Variants in UBE2E2 observed in about 807,000 individuals in gnomAD.
UBE2E2 encodes ubiquitin conjugating enzyme E2 E2, also known as ubiquitin-conjugating enzyme E2 E2.
UBE2E2 carries 6 observed loss-of-function variants against 24.7 expected under a neutral mutation model. That is an observed-to-expected ratio of 0.24 (90% confidence interval 0.13 to 0.48). The LOEUF (loss-of-function observed/expected upper bound fraction) is 0.48, where lower values mean the gene tolerates loss of function less well. UBE2E2 is among the 20% of genes least tolerant of loss of function. The pLI, the probability that UBE2E2 is intolerant of heterozygous loss-of-function variation, is 0.99. For synonymous variants in UBE2E2, 104 were observed against 83.6 expected, an observed-to-expected ratio of 1.24 and a Z score of -1.33; for missense variants, 169 against 245.0, an observed-to-expected ratio of 0.69 and a Z score of 2.07.
At chr3:23,213,825 A>T (rs1284099357) in intron 2 of UBE2E2, among the ~76,000 whole-genome samples, 1 of 152,130 alleles carries the variant, frequency 6.6e-6, no homozygotes, top group African/African-American at 2.4e-5. Context: ...GATTTACCTA[A>T]TCACTTTTAA....
At chr3:23,356,165 C>T (rs1695944143) in intron 3 of UBE2E2, among the ~76,000 whole-genome samples, 1 of 152,170 alleles carries the variant, frequency 6.6e-6, no homozygotes, top group African/African-American at 2.4e-5. Context: ...CTGGACCTTA[C>T]TCAGGGTCAG....
intron 3 of UBE2E2, among the ~76,000 whole-genome samples, chr3:23,488,254 T>C (rs1387964931): frequency 6.6e-6 from 1 of 151,706 alleles, no homozygotes; most frequent in Admixed American, 6.6e-5. Context: ...GTGCAGAACG[T>C]GCAGTTTTTT....
chr3:23,380,419 T>C (rs1696639949), intron 3 of UBE2E2, among the ~76,000 whole-genome samples: 1 of 152,016 alleles, frequency 6.6e-6, no homozygotes, highest in South Asian at 2.1e-4. Context: ...AGAGACTAGG[T>C]TTTGCTATGT....
intron 3 of UBE2E2, among the ~76,000 whole-genome samples, chr3:23,247,870 A>G (rs1697456040): frequency 6.6e-6 from 1 of 152,110 alleles, no homozygotes; most frequent in Non-Finnish European, 1.5e-5. Context: ...TCATTTGCAA[A>G]TTCATTTGTG....
At chr3:23,506,550 G>T (rs188542067) in intron 4 of UBE2E2, among the ~76,000 whole-genome samples, 6 of 152,190 alleles carry the variant, frequency 3.9e-5, no homozygotes, top group Admixed American at 2.0e-4. Context: ...ACTCTTTGGC[G>T]CAAACCACCG....
At chr3:23,511,045 T>C (rs186789395) in intron 4 of UBE2E2, among the ~76,000 whole-genome samples, 106 of 152,316 alleles carry the variant, frequency 7.0e-4, no homozygotes, top group South Asian at 1.7e-3. Context: ...ATACTGAACA[T>C]AGAGAAGTGA....
chr3:23,209,554 G>T (rs1405552504), intron 2 of UBE2E2, among the ~76,000 whole-genome samples: 1 of 152,140 alleles, frequency 6.6e-6, no homozygotes, highest in African/African-American at 2.4e-5. Flanking sequence ...TGTCTTTCCT[G>T]ATCCTGTGAT....
At chr3:23,421,691 C>G (rs1234768930) in intron 3 of UBE2E2, among the ~76,000 whole-genome samples, 2 of 152,230 alleles carry the variant, frequency 1.3e-5, no homozygotes, top group Non-Finnish European at 2.9e-5. Flanking sequence ...CAGACGTGAG[C>G]CACCATACCT....
At chr3:23,562,403 A>T (rs550793486) in intron 5 of UBE2E2, among the ~76,000 whole-genome samples, 133 of 152,366 alleles carry the variant, frequency 8.7e-4, no homozygotes, top group African/African-American at 2.9e-3. Context: ...CCAGCCTTGC[A>T]TCCCAGGAAA....
At chr3:23,320,849 C>T (rs1694719751) in intron 3 of UBE2E2, among the ~76,000 whole-genome samples, 1 of 152,182 alleles carries the variant, frequency 6.6e-6, no homozygotes, top group Non-Finnish European at 1.5e-5. Context: ...AGCTGTTTGT[C>T]TCCACTAATT....
intron 3 of UBE2E2, among the ~76,000 whole-genome samples, chr3:23,312,425 G>C (rs1575553575): frequency 1.3e-5 from 2 of 151,692 alleles, no homozygotes; most frequent in East Asian, 3.9e-4. Flanking sequence ...ATTTTTACAT[G>C]TATAATTATT....
At chr3:23,507,275 A>C (rs547203547) in intron 4 of UBE2E2, among the ~76,000 whole-genome samples, 3 of 151,918 alleles carry the variant, frequency 2.0e-5, no homozygotes, top group Non-Finnish European at 2.9e-5. Context: ...AACTTCCTCA[A>C]ACTTCCTCAC....
At chr3:23,208,365 C>T (rs1327437785) in intron 1 of UBE2E2, among the ~76,000 whole-genome samples, 1 of 152,124 alleles carries the variant, frequency 6.6e-6, no homozygotes, top group African/African-American at 2.4e-5. Context: ...TTATGGCTAA[C>T]AGTACATTAT....
chr3:23,426,517 A>G (rs560433318), intron 3 of UBE2E2, among the ~76,000 whole-genome samples: 2 of 152,212 alleles, frequency 1.3e-5, no homozygotes, highest in Non-Finnish European at 2.9e-5. Context: ...GTGTGCAGGG[A>G]GACCTGACTT....
At chr3:23,329,757 C>T (rs1007172383) in intron 3 of UBE2E2, among the ~76,000 whole-genome samples, 2 of 152,202 alleles carry the variant, frequency 1.3e-5, no homozygotes, top group Admixed American at 6.5e-5. Context: ...CTCTGGAGAA[C>T]GTTGCCGTAC....
At chr3:23,351,515 G>A (rs1052137293) in intron 3 of UBE2E2, among the ~76,000 whole-genome samples, 2 of 152,092 alleles carry the variant, frequency 1.3e-5, no homozygotes, top group South Asian at 2.1e-4. Context: ...ACACACACAG[G>A]CTCAAAATAA....
chr3:23,501,306 A>G (rs1699716412), intron 4 of UBE2E2, among the ~76,000 whole-genome samples: 2 of 151,866 alleles, frequency 1.3e-5, no homozygotes, highest in Admixed American at 1.3e-4. Context: ...AGATTAAACA[A>G]AGCTAGAATA....
intron 3 of UBE2E2, among the ~76,000 whole-genome samples, chr3:23,492,968 A>G (rs1699531076): frequency 6.6e-6 from 1 of 152,042 alleles, no homozygotes; most frequent in African/African-American, 2.4e-5. Context: ...AAATAGATAA[A>G]TAGTAATTAT....
Position 23,453,148 on chromosome 3 carries a change from A to G in UBE2E2, c.228-46460A>G, listed in dbSNP as rs1024883715. On this transcript the variant is annotated intron_variant, in intron 3 of 5. Transcript: ENST00000396703. Reference sequence around the variant, plus strand: ...CACCGAAGTTTGAATGTGCCTTCCTATAACTGGCAAGTGCTACTTCTGGTA... The same window carrying G: ...CACCGAAGTTTGAATGTGCCTTCCTGTAACTGGCAAGTGCTACTTCTGGTA... Among the ~76,000 whole-genome samples, 9 of 152,348 alleles carry G rather than the reference A, an allele frequency of 5.9e-5. No homozygotes were observed. The East Asian group carries it at 1.5e-3, about 26-fold the overall frequency.
Sources: allele counts gnomAD v4.1 joint callset (sites outside exome capture counted in the v4.1 genomes callset), GRCh38; gene constraint gnomAD v4.1.1; transcripts MANE v1.5; gene names NCBI Gene and HGNC (gene_info 2026-07-23, HGNC 2026-07-21).